NFATC3: variants seen among roughly 807,000 people sequenced by gnomAD.
The protein encoded by NFATC3 is nuclear factor of activated T-cells, cytoplasmic 3.
A neutral mutation model predicts 98.6 loss-of-function variants in NFATC3; 46 were observed. That is an observed-to-expected ratio of 0.47 (90% CI 0.37 to 0.60). NFATC3 has a LOEUF of 0.60. Ranked by LOEUF, NFATC3 falls within the 20% of genes least tolerant of loss-of-function variation. The pLI, the probability that NFATC3 is intolerant of heterozygous loss-of-function variation, is 0.00. For synonymous variants in NFATC3, 512 were observed against 472.2 expected (o/e 1.08, Z -1.09); for missense variants, 1,256 against 1,295.5 (o/e 0.97, Z 0.47).
chr16:68,181,738 C>T (rs977054049), intron 7 of NFATC3, among the ~76,000 whole-genome samples: 3 of 151,930 alleles, frequency 2.0e-5, no homozygotes, highest in Non-Finnish European at 2.9e-5. Context: ...GAGACAAGCC[C>T]GAGCAACATG....
intron 9 of NFATC3, among the ~76,000 whole-genome samples, chr16:68,207,620 C>T (rs906769642): frequency 1.3e-5 from 2 of 152,092 alleles, no homozygotes; most frequent in African/African-American, 2.4e-5. Context: ...TGTGCCATCA[C>T]GCCCAGCTAA....
intron 5 of NFATC3, among the ~76,000 whole-genome samples, chr16:68,172,055 G>A (rs1004563128): frequency 6.6e-6 from 1 of 150,536 alleles, no homozygotes; most frequent in African/African-American, 2.4e-5. Context: ...TCATTGGCTC[G>A]AACTCCTGAC....
intron 1 of NFATC3, among the ~76,000 whole-genome samples, chr16:68,117,624 C>T (rs2036352007): frequency 6.6e-6 from 1 of 152,210 alleles, no homozygotes; most frequent in Non-Finnish European, 1.5e-5. Flanking sequence ...CCTCCTGCCT[C>T]AGCCTCTCAG....
intron 3 of NFATC3, among the ~76,000 whole-genome samples, chr16:68,143,503 C>T (rs562500501): frequency 6.6e-6 from 1 of 152,120 alleles, no homozygotes; most frequent in East Asian, 1.9e-4. Context: ...AAACCTTAAC[C>T]CAAACCTCAC....
chr16:68,214,602 C>A (rs144463000), intron 9 of NFATC3, among the ~76,000 whole-genome samples: 2 of 152,284 alleles, frequency 1.3e-5, no homozygotes, highest in African/African-American at 4.8e-5. Context: ...GCTTTTTAAA[C>A]TTAACCACAC....
chr16:68,162,186 G>A (rs1042680022), intron 4 of NFATC3, among the ~76,000 whole-genome samples: 2 of 152,154 alleles, frequency 1.3e-5, no homozygotes, highest in Non-Finnish European at 2.9e-5. Context: ...GGACCCAAGC[G>A]TTATGTATAT....
At chr16:68,090,306 C>T (rs1225543888) in intron 1 of NFATC3, among the ~76,000 whole-genome samples, 1 of 133,330 alleles carries the variant, frequency 7.5e-6, no homozygotes, top group African/African-American at 2.9e-5. Flanking sequence ...CCCCCCCCCC[C>T]CAACATTTCT....
chr16:68,166,303 C>T (rs867038474), intron 4 of NFATC3, among the ~76,000 whole-genome samples: 6 of 152,120 alleles, frequency 3.9e-5, no homozygotes, highest in Non-Finnish European at 4.4e-5. Context: ...CACTTAAGTA[C>T]CTGGATTAAG....
chr16:68,158,119 C>A, intron 4 of NFATC3, 51 bp downstream of exon 4: 2 of 1,175,168 alleles, frequency 1.7e-6, no homozygotes, highest in Non-Finnish European at 2.4e-6. Flanking sequence ...TCTATACTTT[C>A]AGAAAAAAAG....
intron 8 of NFATC3, 86 bp from the exon 9 acceptor site, chr16:68,190,682 T>A: frequency 2.9e-6 from 4 of 1,398,834 alleles, no homozygotes; most frequent in Non-Finnish European, 2.9e-6. Context: ...CAGCTTACGC[T>A]GTAGTTGTGT....
chr16:68,134,415 T>C (rs190720530), intron 3 of NFATC3, among the ~76,000 whole-genome samples: 11 of 152,002 alleles, frequency 7.2e-5, no homozygotes, highest in Middle Eastern at 6.8e-3. Flanking sequence ...TCTGAAACTC[T>C]TGGCTTCAAG....
intron 1 of NFATC3, among the ~76,000 whole-genome samples, chr16:68,113,792 G>A (rs1216254439): frequency 6.6e-6 from 1 of 152,260 alleles, no homozygotes; most frequent in Non-Finnish European, 1.5e-5. Flanking sequence ...GTTCCTGCAA[G>A]GAGGTTCTGC....
intron 4 of NFATC3, among the ~76,000 whole-genome samples, chr16:68,165,297 C>A (rs1039007417): frequency 1.3e-5 from 2 of 151,402 alleles, no homozygotes; most frequent in Non-Finnish European, 2.9e-5. Flanking sequence ...AAATTCTTCT[C>A]CTGTGTCTTT....
At chr16:68,187,375 G>A (rs1460791723) in intron 8 of NFATC3, among the ~76,000 whole-genome samples, 1 of 152,204 alleles carries the variant, frequency 6.6e-6, no homozygotes, top group Non-Finnish European at 1.5e-5. Flanking sequence ...TAGCGAGCAG[G>A]GGGCCTGTTT....
chr16:68,150,894 C>G (rs1214684113), intron 3 of NFATC3, among the ~76,000 whole-genome samples: 1 of 152,114 alleles, frequency 6.6e-6, no homozygotes, highest in African/African-American at 2.4e-5. Context: ...CTCCTGCCAC[C>G]TTGTGAAGAA....
At chr16:68,167,091 A>G (rs2039230136) in intron 5 of NFATC3, 76 bp downstream of exon 5, 1 of 1,476,966 alleles carries the variant, frequency 6.8e-7, no homozygotes, top group East Asian at 2.3e-5. Context: ...AATGTAATGT[A>G]TGCGTCTGAA....
intron 8 of NFATC3, among the ~76,000 whole-genome samples, chr16:68,190,001 G>C (rs542287673): frequency 6.6e-6 from 1 of 152,214 alleles, no homozygotes; most frequent in South Asian, 2.1e-4. Context: ...ATTGCACGAT[G>C]GCACTCCAGC....
At position 68,186,747 on chromosome 16, in the gene NFATC3, CT is replaced by C. The variant is rs557070144; in HGVS notation, c.2098+3383del. ...AGAGAATTTTACAGAATTGTAATAACTTCTTAGTATTTTGTTGTATGACCTG... is the reference window on the plus strand; with the variant it reads ...AGAGAATTTTACAGAATTGTAATAACTCTTAGTATTTTGTTGTATGACCTG... On this transcript the variant is annotated intron_variant, in intron 8 of 9. Coordinates refer to ENST00000346183, the MANE Select transcript of NFATC3 (RefSeq NM_173165.3). 3.9e-5 allele frequency among the ~76,000 whole-genome samples: 6 copies of C among 152,192 alleles called. No homozygotes were observed. The South Asian group carries it at 1.2e-3, about 32-fold the overall frequency.
At chr16:68,113,719 G>A (rs143261977) in intron 1 of NFATC3, among the ~76,000 whole-genome samples, 18 of 152,350 alleles carry the variant, frequency 1.2e-4, no homozygotes, top group Admixed American at 3.3e-4. Context: ...ACCCCTACCC[G>A]TAGAGGCTCC....
Sources: allele counts gnomAD v4.1 joint callset (sites outside exome capture counted in the v4.1 genomes callset), GRCh38; gene constraint gnomAD v4.1.1; transcripts MANE v1.5; gene names NCBI Gene and HGNC (gene_info 2026-07-23, HGNC 2026-07-21).